Variants in STMND1 observed in about 807,000 individuals in gnomAD.
The protein encoded by STMND1 is stathmin domain-containing protein 1.
Under a neutral mutation model 23.0 loss-of-function variants are expected in STMND1, and 17 were observed. The ratio of observed to expected loss-of-function variants is 0.74; its 90% CI spans 0.51 to 1.11. STMND1 has a LOEUF of 1.11. STMND1 is among the 50% of genes least tolerant of loss of function. STMND1 has a pLI of 0.00. For missense variants in STMND1, 305 were observed against 329.1 expected, an observed-to-expected ratio of 0.93 and a Z score of 0.57; for synonymous variants, 114 against 119.9, an observed-to-expected ratio of 0.95 and a Z score of 0.32.
chr6:17,104,988 G>A (rs577746539), intron 1 of STMND1, among the ~76,000 whole-genome samples: 2 of 152,246 alleles, frequency 1.3e-5, no homozygotes, highest in Admixed American at 1.3e-4. Context: ...AAAAAAAACT[G>A]TACTGAACAT....
intron 1 of STMND1, among the ~76,000 whole-genome samples, chr6:17,104,613 T>C (rs537306049): frequency 6.6e-6 from 1 of 152,298 alleles, no homozygotes; most frequent in East Asian, 1.9e-4. Context: ...AGTCTCCTAA[T>C]TGCTCTCCCT....
At chr6:17,129,009 A>G (rs148679290) in intron 3 of STMND1, 103 bp from the exon 4 acceptor site, 57 of 1,257,324 alleles carry the variant, frequency 4.5e-5, no homozygotes, top group Non-Finnish European at 5.7e-5. Context: ...CACTGCACCC[A>G]GACTAGAATT....
chr6:17,111,843 C>G (rs1398933495), intron 1 of STMND1, among the ~76,000 whole-genome samples: 1 of 152,294 alleles, frequency 6.6e-6, no homozygotes, highest in East Asian at 1.9e-4. Flanking sequence ...GTTTGATTAT[C>G]TGGTGAGGGC....
At chr6:17,126,051 TATATATATATATATATATA>T (rs1437755517) in intron 3 of STMND1, among the ~76,000 whole-genome samples, 39 of 32,592 alleles carry the variant, frequency 1.2e-3, no homozygotes, top group African/African-American at 2.2e-3. Flanking sequence ...TATATATATA[TATATATATATATATATATA>T]TTTTTTTTTT....
chr6:17,123,603 A>G (rs1761259628), intron 3 of STMND1, among the ~76,000 whole-genome samples: 1 of 152,188 alleles, frequency 6.6e-6, no homozygotes, highest in Non-Finnish European at 1.5e-5. Context: ...GGTGATTCCC[A>G]TGGGCAGCCC....
chr6:17,114,926 A>T, intron 1 of STMND1, 36 bp from the exon 2 acceptor site: 1 of 1,483,490 alleles, frequency 6.7e-7, no homozygotes. Context: ...TTTACCAAGA[A>T]ATCTTGACTC....
At chr6:17,129,716 C>T (rs1379023992) in intron 4 of STMND1, among the ~76,000 whole-genome samples, 1 of 152,022 alleles carries the variant, frequency 6.6e-6, no homozygotes. Context: ...TGGTGGCGGG[C>T]GCCTGTAGTC....
At chr6:17,130,005 G>A (rs891606176) in intron 4 of STMND1, among the ~76,000 whole-genome samples, 1 of 152,040 alleles carries the variant, frequency 6.6e-6, no homozygotes, top group Non-Finnish European at 1.5e-5. Context: ...GGATTTTAAC[G>A]ATCTTTATGC....
chr6:17,121,445 T>C (rs1761232749), intron 3 of STMND1, among the ~76,000 whole-genome samples: 3 of 152,162 alleles, frequency 2.0e-5, no homozygotes, highest in African/African-American at 7.2e-5. Flanking sequence ...GTAATAGGCA[T>C]TGTACAGGGC....
At chr6:17,125,120 C>A (rs1761279123) in intron 3 of STMND1, among the ~76,000 whole-genome samples, 1 of 138,672 alleles carries the variant, frequency 7.2e-6, no homozygotes, top group Non-Finnish European at 1.5e-5. Flanking sequence ...TGTTCAAGAC[C>A]AGCCTGGGCA....
In STMND1 at chr6:17,113,301, T is replaced by C. The variant is rs534039832; in HGVS notation, c.82-1661T>C. On this transcript the variant is annotated intron_variant, in intron 1 of 4. Coordinates refer to ENST00000536551, the MANE Select transcript of STMND1 (RefSeq NM_001190766.2). Reference sequence around the variant, plus strand: ...GGCTGGCTAGGAAAATCAAAATCCATAGGATAGGGCAGGCAGTCGAAAAGA... The same window carrying C: ...GGCTGGCTAGGAAAATCAAAATCCACAGGATAGGGCAGGCAGTCGAAAAGA... 1.2e-4 allele frequency among the ~76,000 whole-genome samples: 18 copies of C among 152,194 alleles called. No homozygotes were observed. In the Middle Eastern group the frequency reaches 0.01, roughly 86 times the overall value.
chr6:17,128,831 G>A (rs956572046), intron 3 of STMND1: 2 of 247,786 alleles, frequency 8.1e-6, no homozygotes, highest in African/African-American at 2.3e-5. Flanking sequence ...TCCACCCTCA[G>A]CCTCCCAAGT....
Position 17,110,266 on chromosome 6 carries a change from C to T in STMND1, c.82-4696C>T, listed in dbSNP as rs1450489812. ...AGGCATGGCGTCACGTGCCTGTAGT[C>T]CTAGCTACTGGAGAGACCAAGGCAG... is the stretch of plus-strand genomic sequence containing the variant. On this transcript the variant is annotated intron_variant, in intron 1 of 4. Transcript: ENST00000536551. Among the ~76,000 whole-genome samples the T allele has an allele frequency of 3.9e-5, 6 of 152,252 alleles. No individual in the cohort carries two copies. The South Asian group carries it at 8.3e-4, about 21-fold the overall frequency.
intron 4 of STMND1, among the ~76,000 whole-genome samples, chr6:17,130,305 C>T (rs1296117881): frequency 6.6e-6 from 1 of 151,874 alleles, no homozygotes; most frequent in Non-Finnish European, 1.5e-5. Flanking sequence ...CACCAAGGGC[C>T]CCCACAGCCC....
intron 3 of STMND1, chr6:17,128,651 T>C (rs1357200408): frequency 6.5e-6 from 1 of 152,712 alleles, no homozygotes; most frequent in South Asian, 2.1e-4. Flanking sequence ...TTATCAACTT[T>C]CACGTTGGTT....
At chr6:17,102,850 A>C (rs1760961977) in intron 1 of STMND1, among the ~76,000 whole-genome samples, 1 of 152,220 alleles carries the variant, frequency 6.6e-6, no homozygotes, top group African/African-American at 2.4e-5. Flanking sequence ...GATGAGAATC[A>C]TGAGGCCCAG....
At chr6:17,103,566 CTTTTTTTTTTTTTT>C (rs68161737) in intron 1 of STMND1, among the ~76,000 whole-genome samples, 2 of 82,102 alleles carry the variant, frequency 2.4e-5, no homozygotes, top group East Asian at 7.1e-4. Flanking sequence ...GACCCATTAC[CTTTTTTTTTTTTTT>C]TTTTTTTTTG....
At chr6:17,127,475 G>A (rs9367942) in intron 3 of STMND1, among the ~76,000 whole-genome samples, 17,800 of 152,112 alleles carry the variant, frequency 0.12, 1,384 homozygotes, top group South Asian at 0.25. Context: ...GCTTGAACCC[G>A]GGAGGCGGAG....
chr6:17,115,186 T>C (rs944688691), intron 2 of STMND1, 47 bp downstream of exon 2: 40 of 1,486,722 alleles, frequency 2.7e-5, no homozygotes, highest in Non-Finnish European at 3.4e-5. Context: ...CAAAATACTG[T>C]TTCTCTAAAT....
Sources: allele counts gnomAD v4.1 joint callset (sites outside exome capture counted in the v4.1 genomes callset), GRCh38; gene constraint gnomAD v4.1.1; transcripts MANE v1.5; gene names NCBI Gene and HGNC (gene_info 2026-07-23, HGNC 2026-07-21).